ZFHX3: variants seen among roughly 807,000 people sequenced by gnomAD.
ZFHX3 encodes zinc finger homeobox protein 3.
ZFHX3 carries 42 observed loss-of-function variants against 279.1 expected under a neutral mutation model. That is an observed-to-expected ratio of 0.15 (90% CI 0.12 to 0.19). The LOEUF (loss-of-function observed/expected upper bound fraction) is 0.19, where lower values mean the gene tolerates loss of function less well. Ranked by LOEUF, ZFHX3 falls within the 10% of genes least tolerant of loss-of-function variation. The pLI, the probability that ZFHX3 is intolerant of heterozygous loss-of-function variation, is 1.00. For synonymous variants in ZFHX3, 2,293 were observed against 1,957.8 expected, an observed-to-expected ratio of 1.17 and a Z score of -4.52; for missense variants, 4,981 against 4,754.0, an observed-to-expected ratio of 1.05 and a Z score of -1.40.
chr16:73,543,876 G>A (rs1437015872), intron 2 of ZFHX3: 5 of 143,228 alleles, frequency 3.5e-5, no homozygotes, highest in Admixed American at 7.1e-5. Flanking sequence ...GAGAGAGAGA[G>A]CGAGAGAGGG....
intron 1 of ZFHX3, among the ~76,000 whole-genome samples, chr16:73,805,271 C>T (rs955705803): frequency 3.8e-4 from 58 of 152,104 alleles, no homozygotes; most frequent in African/African-American, 3.4e-4. Flanking sequence ...CAGGTTCAAG[C>T]GATTCTCCTG....
At chr16:72,809,774 G>C (rs1047129281) in intron 7 of ZFHX3, 2 of 152,094 alleles carry the variant, frequency 1.3e-5, no homozygotes, top group African/African-American at 4.8e-5. Flanking sequence ...GAATCTTCAC[G>C]TGAAAAGGCA....
At chr16:73,411,092 G>C (rs2017456397) in intron 3 of ZFHX3, among the ~76,000 whole-genome samples, 1 of 152,204 alleles carries the variant, frequency 6.6e-6, no homozygotes, top group East Asian at 1.9e-4. Context: ...CCACCAACTG[G>C]ACAGCTTTCA....
chr16:73,857,167 C>A (rs1353503214), intron 1 of ZFHX3, among the ~76,000 whole-genome samples: 1 of 152,214 alleles, frequency 6.6e-6, no homozygotes, highest in South Asian at 2.1e-4. Context: ...CAGTTATCAA[C>A]TTCAGAGTTT....
intron 2 of ZFHX3, among the ~76,000 whole-genome samples, chr16:73,537,046 A>T (rs1334788638): frequency 6.6e-6 from 1 of 152,252 alleles, no homozygotes; most frequent in Non-Finnish European, 1.5e-5. Flanking sequence ...AAGAGATACC[A>T]GCAATAAGTT....
intron 1 of ZFHX3, among the ~76,000 whole-genome samples, chr16:72,971,486 C>T (rs1182066602): frequency 2.0e-5 from 3 of 152,202 alleles, no homozygotes; most frequent in Non-Finnish European, 2.9e-5. Context: ...CTTGCCCAAG[C>T]TGCATGCTAG....
At chr16:73,568,991 A>C (rs904286845) in intron 2 of ZFHX3, among the ~76,000 whole-genome samples, 3 of 152,008 alleles carry the variant, frequency 2.0e-5, no homozygotes, top group Non-Finnish European at 2.9e-5. Flanking sequence ...CAGCCCAGGC[A>C]GTTCATCTGA....
intron 3 of ZFHX3, among the ~76,000 whole-genome samples, chr16:73,442,920 T>C (rs1049305026): frequency 1.8e-4 from 27 of 152,302 alleles, no homozygotes; most frequent in African/African-American, 6.3e-4. Context: ...TAATTTTTTA[T>C]TTTATTTATT....
intron 1 of ZFHX3, among the ~76,000 whole-genome samples, chr16:73,800,347 A>G (rs1293344708): frequency 6.6e-6 from 1 of 151,970 alleles, no homozygotes; most frequent in East Asian, 1.9e-4. Context: ...CCTTTCGAGT[A>G]GCTGGGACTA....
intron 1 of ZFHX3, among the ~76,000 whole-genome samples, chr16:73,006,738 C>G (rs898495371): frequency 1.3e-5 from 2 of 151,894 alleles, no homozygotes; most frequent in African/African-American, 4.9e-5. Flanking sequence ...CACATACACA[C>G]AGACAGACAG....
At chr16:73,738,237 G>A (rs1025472218) in intron 1 of ZFHX3, among the ~76,000 whole-genome samples, 1 of 152,192 alleles carries the variant, frequency 6.6e-6, no homozygotes, top group African/African-American at 2.4e-5. Context: ...GAATGGCACT[G>A]TAAGGAAAAA....
At chr16:72,856,335 C>A (rs1435896924) in intron 4 of ZFHX3, among the ~76,000 whole-genome samples, 3 of 152,226 alleles carry the variant, frequency 2.0e-5, no homozygotes, top group African/African-American at 7.2e-5. Context: ...CATGGCTGAA[C>A]AGAAGAGATT....
chr16:73,152,829 A>C (rs1966976647), intron 5 of ZFHX3, among the ~76,000 whole-genome samples: 5 of 141,500 alleles, frequency 3.5e-5, no homozygotes, highest in South Asian at 2.4e-4. Context: ...GCTGGGGGGA[A>C]GGGAGGGGAG....
At chr16:73,578,826 C>T (rs576940455) in intron 2 of ZFHX3, among the ~76,000 whole-genome samples, 48 of 152,266 alleles carry the variant, frequency 3.2e-4, no homozygotes, top group African/African-American at 1.1e-3. Flanking sequence ...CTAGATTTTG[C>T]TTCACTCTTT....
At chr16:73,753,366 A>G (rs2053777898) in intron 1 of ZFHX3, among the ~76,000 whole-genome samples, 1 of 152,176 alleles carries the variant, frequency 6.6e-6, no homozygotes, top group Non-Finnish European at 1.5e-5. Flanking sequence ...CCACTAGTGC[A>G]GTGACAGTCC....
intron 5 of ZFHX3, among the ~76,000 whole-genome samples, chr16:73,172,996 GTTTTTTTTTTTGT>G (rs1413852178): frequency 1.3e-3 from 34 of 25,302 alleles, no homozygotes; most frequent in Admixed American, 3.9e-3. Context: ...CTGTTTTTTT[GTTTTTTTTTTTGT>G]TTTTTTTTTT....
chr16:73,476,758 T>TTA (rs777022116), intron 2 of ZFHX3, among the ~76,000 whole-genome samples: 2 of 152,240 alleles, frequency 1.3e-5, no homozygotes, highest in African/African-American at 2.4e-5. Flanking sequence ...CAAAATTTAG[T>TTA]AACTTCATTT....
intron 1 of ZFHX3, among the ~76,000 whole-genome samples, chr16:73,782,360 A>G (rs1959500361): frequency 6.6e-6 from 1 of 152,210 alleles, no homozygotes; most frequent in Admixed American, 6.5e-5. Flanking sequence ...CAGACTTTCT[A>G]CCCCAGAAAT....
chr16:73,114,706 T>A (rs1597161850), intron 7 of ZFHX3, among the ~76,000 whole-genome samples: 1 of 152,064 alleles, frequency 6.6e-6, no homozygotes, highest in East Asian at 1.9e-4. Context: ...ATAAAAAAAA[T>A]AAAATGGGAA....
Sources: gnomAD v4.1 joint callset for allele counts (sites outside exome capture counted in the v4.1 genomes callset) on GRCh38, gnomAD v4.1.1 for gene constraint, MANE v1.5 for transcripts, NCBI Gene and HGNC (gene_info 2026-07-23, HGNC 2026-07-21) for gene names.